Variants in SLC38A6 observed in about 807,000 individuals in gnomAD.
SLC38A6 encodes the protein N system amino acid transporter NAT-1.
Under a neutral mutation model 65.0 loss-of-function variants are expected in SLC38A6, and 73 were observed. That is an observed-to-expected ratio of 1.12 (90% CI 0.93 to 1.37). SLC38A6 has a LOEUF of 1.37. Ranked by LOEUF, SLC38A6 falls within the 40% of genes most tolerant of loss-of-function variation. The pLI, the probability that SLC38A6 is intolerant of heterozygous loss-of-function variation, is 0.00. For synonymous variants in SLC38A6, 183 were observed against 178.8 expected, an observed-to-expected ratio of 1.02 and a Z score of -0.19; for missense variants, 561 against 531.1, an observed-to-expected ratio of 1.06 and a Z score of -0.55.
rs1291944056 is a variant in SLC38A6, at chr14:61,050,727, A to T, written c.1050+91A>T. ...TTGCAGAATAGAATGTTTGAATCACATCTAGTCTTGTATATCTTATTCACT... is the reference window on the plus strand; with the variant it reads ...TTGCAGAATAGAATGTTTGAATCACTTCTAGTCTTGTATATCTTATTCACT... On this transcript the variant is annotated intron_variant, in intron 13 of 15. Coordinates refer to ENST00000267488, the MANE Select transcript of SLC38A6 (RefSeq NM_153811.3). The T allele has an allele frequency of 5.9e-6, 7 of 1,183,096 alleles. No individual in the cohort carries two copies. In the African/African-American group the frequency reaches 9.3e-5, roughly 16 times the overall value. 73.3% of individuals were successfully genotyped at this position (1,183,096 alleles called of 1,614,324 possible). A position where few individuals can be genotyped will look rare whatever the true frequency, so the allele number is the denominator to read the frequency against.
chr14:61,051,614 T>C (rs1023129637), intron 13 of SLC38A6, among the ~76,000 whole-genome samples, 173 bp from the exon 14 acceptor site: 1 of 152,188 alleles, frequency 6.6e-6, no homozygotes, highest in Non-Finnish European at 1.5e-5. Flanking sequence ...AAAGGGTTAG[T>C]ATATAAACAG....
intron 5 of SLC38A6, among the ~76,000 whole-genome samples, chr14:61,026,259 AT>A (rs1202624286): frequency 1.3e-5 from 2 of 152,186 alleles, no homozygotes; most frequent in African/African-American, 4.8e-5. Context: ...ACTGATTTTT[AT>A]TTTTTGGATT....
At chr14:61,015,569 G>A (rs2139537840) in intron 3 of SLC38A6, among the ~76,000 whole-genome samples, 1 of 152,254 alleles carries the variant, frequency 6.6e-6, no homozygotes, top group East Asian at 1.9e-4. Context: ...TTCTTAAAAA[G>A]TAAAAACCGT....
chr14:61,076,564 G>A (rs10143062), intron 15 of SLC38A6, among the ~76,000 whole-genome samples: 141,825 of 152,332 alleles, frequency 0.93, 66,415 homozygotes, highest in Non-Finnish European at 0.99. Flanking sequence ...TATAAAGGCT[G>A]TGTGCTTAAT....
intron 3 of SLC38A6, among the ~76,000 whole-genome samples, chr14:61,000,672 C>G (rs1314919498): frequency 6.6e-6 from 1 of 152,148 alleles, no homozygotes; most frequent in African/African-American, 2.4e-5. Flanking sequence ...TTATCAAATA[C>G]AGTGTTCAAT....
intron 3 of SLC38A6, among the ~76,000 whole-genome samples, chr14:60,993,298 G>A (rs1388618604): frequency 6.6e-6 from 1 of 152,154 alleles, no homozygotes; most frequent in African/African-American, 2.4e-5. Flanking sequence ...CTTGCTTAAG[G>A]TTGCACAGCT....
chr14:61,012,455 T>C (rs1047766068), intron 3 of SLC38A6, among the ~76,000 whole-genome samples: 4 of 152,198 alleles, frequency 2.6e-5, no homozygotes, highest in Non-Finnish European at 5.9e-5. Context: ...CTTGCTTCTC[T>C]AGTTCTTTTA....
At chr14:61,028,000 T>C (rs1430253255) in intron 5 of SLC38A6, among the ~76,000 whole-genome samples, 3 of 151,956 alleles carry the variant, frequency 2.0e-5, no homozygotes, top group Non-Finnish European at 4.4e-5. Context: ...GAGTTCATAT[T>C]TCTTAAAATA....
chr14:61,030,263 CTGTGTGTG>C lies in SLC38A6; in HGVS notation c.404-152_404-145del, dbSNP rs3080609. On this transcript the variant is annotated intron_variant, in intron 5 of 15. Transcript: ENST00000267488. ...GTTATTCTTCTCTACAGTTACTTTT[CTGTGTGTG>C]TGTGTGTGTGTGTGTGTGTGTGTGT... Among the ~76,000 whole-genome samples the C allele has an allele frequency of 7.2e-3, 1,074 of 148,814 alleles. 14 individuals carry two copies. The highest frequency in any genetic ancestry group is 0.023 in the African/African-American group (923 of 40,498).
rs765901518 is a variant in SLC38A6 at position 60,981,277 on chromosome 14, C to T, written c.-1C>T. 6.9e-6 allele frequency: 11 copies of T among 1,600,554 alleles called. No individual in the cohort carries two copies. Among genetic ancestry groups the T allele is most frequent in the Non-Finnish European group, 8.5e-6 (10 of 1,173,916 alleles). ...GAACTGGTAGTCAGCTGGAGAGCAG[C>T]ATGGAGGCGTCCTGGGGGAGCTTCA... is the stretch of plus-strand genomic sequence containing the variant. On this transcript the variant is annotated 5_prime_UTR_variant, in exon 1 of 16. Transcript: ENST00000267488.
intron 3 of SLC38A6, among the ~76,000 whole-genome samples, chr14:61,009,474 C>T (rs560825930): frequency 8.5e-5 from 13 of 152,108 alleles, no homozygotes; most frequent in Admixed American, 1.3e-4. Flanking sequence ...GCCATGTTGG[C>T]GTGCCGCACC....
intron 5 of SLC38A6, among the ~76,000 whole-genome samples, chr14:61,027,916 A>G (rs966042956): frequency 6.6e-6 from 1 of 151,956 alleles, no homozygotes; most frequent in African/African-American, 2.4e-5. Flanking sequence ...CTAGAAAAGA[A>G]GCAATGTTTT....
intron 4 of SLC38A6, 66 bp downstream of exon 4, chr14:61,016,022 A>G (rs2139543341): frequency 7.9e-7 from 1 of 1,268,802 alleles, no homozygotes. Context: ...GTTTCAAGTT[A>G]AAAGAGACAA....
In SLC38A6 at chr14:61,015,964, T is replaced by C. The variant is rs760440896; in HGVS notation, c.363+8T>C. 7.5e-6 allele frequency: 12 copies of C among 1,603,722 alleles called. 1 individual carries two copies. The Admixed American group carries it at 2.1e-4, about 28-fold the overall frequency. Reference sequence around the variant, plus strand: ...TTTGGATTACCTGGAAAGGTAATTTTTTTTCCTCCTCATTGTGTCCAAAAC... The same window carrying C: ...TTTGGATTACCTGGAAAGGTAATTTCTTTTCCTCCTCATTGTGTCCAAAAC... On this transcript the variant is annotated splice_region_variant and intron_variant, in intron 4 of 15. Transcript: ENST00000267488.
At chr14:61,049,305 G>A (rs916151060) in intron 12 of SLC38A6, among the ~76,000 whole-genome samples, 2 of 152,114 alleles carry the variant, frequency 1.3e-5, no homozygotes, top group African/African-American at 2.4e-5. Flanking sequence ...TTCATCCACT[G>A]TAGTACTTAC....
At chr14:60,981,410 G>C (rs117141965) in intron 1 of SLC38A6, 28 bp downstream of exon 1, 23,736 of 1,563,252 alleles carry the variant, frequency 0.015, 361 homozygotes, top group South Asian at 0.061. Flanking sequence ...GCTTCCCCGC[G>C]CTGACGCCCT....
intron 6 of SLC38A6, among the ~76,000 whole-genome samples, chr14:61,032,464 A>G (rs2041061573): frequency 1.3e-5 from 2 of 151,990 alleles, no homozygotes; most frequent in East Asian, 3.9e-4. Context: ...TTTTAAATAA[A>G]AATTAAAATG....
intron 15 of SLC38A6, chr14:61,073,981 A>ATTTTTGTTT (rs2043314116): frequency 6.6e-6 from 1 of 152,184 alleles, no homozygotes; most frequent in Non-Finnish European, 1.5e-5. Context: ...TCTTAATGAC[A>ATTTTTGTTT]TTTTTGTTTC....
chr14:61,052,256 A>G (rs1337629599), intron 15 of SLC38A6, 93 bp from the exon 16 acceptor site: 2 of 1,268,168 alleles, frequency 1.6e-6, no homozygotes, highest in Non-Finnish European at 2.2e-6. Context: ...ACATTATTGC[A>G]GAGAGTAGAG....
Sources: gnomAD v4.1 joint callset for allele counts (sites outside exome capture counted in the v4.1 genomes callset) on GRCh38, gnomAD v4.1.1 for gene constraint, MANE v1.5 for transcripts, NCBI Gene and HGNC (gene_info 2026-07-23, HGNC 2026-07-21) for gene names.